Variants in ZNF148 observed in about 807,000 individuals in gnomAD.
ZNF148 encodes the protein zinc finger protein 148, also known as Beta-Enolase Repressor Factor-1.
ZNF148 carries 7 observed loss-of-function variants against 67.7 expected under a neutral mutation model. That is an observed-to-expected ratio of 0.10 (90% confidence interval 0.06 to 0.19). The LOEUF (loss-of-function observed/expected upper bound fraction) is 0.19. Among genes scored for constraint, ZNF148 ranks in the 10% least tolerant of loss-of-function variants. The pLI is 1.00. For synonymous variants in ZNF148, 333 were observed against 330.7 expected, an observed-to-expected ratio of 1.01 and a Z score of -0.08; for missense variants, 583 against 947.1, an observed-to-expected ratio of 0.62 and a Z score of 5.05.
chr3:125,259,189 T>C (rs1937227388), intron 7 of ZNF148, among the ~76,000 whole-genome samples: 1 of 152,170 alleles, frequency 6.6e-6, no homozygotes, highest in African/African-American at 2.4e-5. Flanking sequence ...AAGAATCCAA[T>C]TTTTTAAATG....
At chr3:125,352,754 G>C (rs551368020) in intron 1 of ZNF148, among the ~76,000 whole-genome samples, 5 of 150,906 alleles carry the variant, frequency 3.3e-5, no homozygotes, top group African/African-American at 4.9e-5. Flanking sequence ...TGTAGATACA[G>C]ATGTGATTAT....
At position 125,233,403 on chromosome 3, in the gene ZNF148, A is replaced by G. The variant is rs1378518115; in HGVS notation, c.1323T>C (p.Asn441=). ...DKQALLDSEG[N]ADIDQVDNLQ... ...AATTATCAACCTGATCAATGTCAGC[A>G]TTGCCTTCTGAGTCCAGTAAAGCCT... The change falls in exon 9 of 9, where the codon AAT becomes AAC. Residue 441 remains asparagine, a synonymous_variant. Transcript: ENST00000360647. This position sits in a 1 kb window ranked among gnomAD's most constrained non-coding sequence, Gnocchi z 5.1. 2 of 1,613,980 alleles carry G rather than the reference A, an allele frequency of 1.2e-6. No homozygotes were observed. The highest frequency in any genetic ancestry group is 2.2e-5 in the South Asian group (2 of 91,076).
chr3:125,307,384 A>C (rs1238048642), intron 4 of ZNF148, among the ~76,000 whole-genome samples: 1 of 152,006 alleles, frequency 6.6e-6, no homozygotes, highest in African/African-American at 2.4e-5. Flanking sequence ...GCTCACTGCA[A>C]GCTCCGCCTC....
chr3:125,298,033 T>C (rs913793322), intron 4 of ZNF148, among the ~76,000 whole-genome samples: 1 of 152,172 alleles, frequency 6.6e-6, no homozygotes, highest in Non-Finnish European at 1.5e-5. Context: ...AACATGGGTA[T>C]ATCTCATAAA....
chr3:125,257,463 A>T (rs1368227078), intron 7 of ZNF148, among the ~76,000 whole-genome samples: 1 of 150,542 alleles, frequency 6.6e-6, no homozygotes, highest in East Asian at 2.0e-4. Flanking sequence ...GGCTGAGACG[A>T]GAATCGCTTG....
intron 7 of ZNF148, among the ~76,000 whole-genome samples, chr3:125,260,315 C>G (rs1230618299): frequency 6.6e-6 from 1 of 151,732 alleles, no homozygotes; most frequent in African/African-American, 2.4e-5. Flanking sequence ...AAAAAAAACA[C>G]TGTAATTTGC....
chr3:125,330,390 C>A (rs544560395), intron 2 of ZNF148, among the ~76,000 whole-genome samples: 1 of 147,666 alleles, frequency 6.8e-6, no homozygotes, highest in South Asian at 2.1e-4. Flanking sequence ...CACTTGAGCC[C>A]CGCAGGTAGA....
Position 125,233,386 on chromosome 3 carries a change from A to C in ZNF148, c.1340T>G (p.Val447Gly). 6.2e-7 allele frequency: 1 copy of C among 1,613,974 alleles called. No individual in the cohort carries two copies. The highest frequency in any genetic ancestry group is 8.5e-7 in the Non-Finnish European group (1 of 1,179,932). ...ACTGGGCCCCTCCTGCAAATTATCAACCTGATCAATGTCAGCATTGCCTTC... is the reference window on the plus strand; with the variant it reads ...ACTGGGCCCCTCCTGCAAATTATCACCCTGATCAATGTCAGCATTGCCTTC... ...DSEGNADIDQ[V>G]DNLQEGPSKP... Residue 447 changes from valine (V) to glycine (G), a missense_variant, in exon 9 of 9, where the codon GTT becomes GGT. Physicochemically the swap from Val to Gly is moderately radical, Grantham distance 109. This residue lies in a region of ZNF148 where 172 missense variants were observed against 307.7 expected (regional missense o/e 0.56). Transcript: ENST00000360647. The surrounding 1 kb of genome is among the most constrained non-coding windows in gnomAD (Gnocchi z 5.1).
intron 7 of ZNF148, among the ~76,000 whole-genome samples, chr3:125,269,118 A>G (rs1181183011): frequency 6.7e-6 from 1 of 149,878 alleles, no homozygotes; most frequent in Admixed American, 6.7e-5. Flanking sequence ...CTGTAATCCC[A>G]GTACTTTAGG....
chr3:125,251,021 CATT>C (rs2107547515), intron 7 of ZNF148, among the ~76,000 whole-genome samples: 1 of 152,308 alleles, frequency 6.6e-6, no homozygotes, highest in East Asian at 1.9e-4. Context: ...TAACCCTTCT[CATT>C]ATTTCTTTCT....
At chr3:125,285,194 T>G (rs1320777191) in intron 5 of ZNF148, among the ~76,000 whole-genome samples, 1 of 151,868 alleles carries the variant, frequency 6.6e-6, no homozygotes, top group Non-Finnish European at 1.5e-5. Context: ...TGGGGGAGAG[T>G]GGAGTCCTCT....
chr3:125,286,536 T>C (rs1486391227), intron 5 of ZNF148, among the ~76,000 whole-genome samples: 2 of 152,128 alleles, frequency 1.3e-5, no homozygotes, highest in Admixed American at 6.6e-5. Context: ...TGATCAATAG[T>C]GCACAAAGAT....
chr3:125,286,463 C>G (rs2107621319), intron 5 of ZNF148, among the ~76,000 whole-genome samples: 1 of 152,278 alleles, frequency 6.6e-6, no homozygotes, highest in East Asian at 1.9e-4. Context: ...AGAAGTGTAA[C>G]TGGTATAACA....
At chr3:125,261,133 TATGATC>T (rs1252596570) in intron 7 of ZNF148, among the ~76,000 whole-genome samples, 1 of 152,202 alleles carries the variant, frequency 6.6e-6, no homozygotes. Flanking sequence ...TCAGGGGCCA[TATGATC>T]TCTGTCACAG....
intron 1 of ZNF148, among the ~76,000 whole-genome samples, chr3:125,362,574 A>G (rs1000624781): frequency 1.5e-5 from 2 of 136,190 alleles, no homozygotes; most frequent in African/African-American, 5.3e-5. Flanking sequence ...TTTTTTTTTG[A>G]GACGGGCTCT....
At chr3:125,257,745 C>T (rs750922232) in intron 7 of ZNF148, among the ~76,000 whole-genome samples, 27 of 152,034 alleles carry the variant, frequency 1.8e-4, no homozygotes, top group Non-Finnish European at 3.2e-4. Flanking sequence ...ATAAAAACTG[C>T]TTCCGGATGT....
rs550788874 is a variant in ZNF148 at position 125,226,902 on chromosome 3, A to G, written c.*5439T>C. The stretch of plus-strand genomic sequence containing the variant: ...ATTTAACACTGAAAATTTCAATGTG[A>G]TAAGTTTCATTGCAAAGCAACTGTC... On this transcript the variant is annotated 3_prime_UTR_variant, in exon 9 of 9. Coordinates refer to ENST00000360647, the MANE Select transcript of ZNF148 (RefSeq NM_021964.3). 7 of 152,300 alleles carry G rather than the reference A, an allele frequency of 4.6e-5. No homozygotes were observed. Among genetic ancestry groups the G allele is most frequent in the East Asian group, 3.9e-4 (2 of 5,194 alleles). The allele number at this position is 152,300 out of a possible 1,614,324, so 9.4% of individuals were successfully genotyped here. A position where few individuals can be genotyped will look rare whatever the true frequency, so the allele number is the denominator to read the frequency against.
chr3:125,298,269 T>A (rs1043297903), intron 4 of ZNF148, among the ~76,000 whole-genome samples: 1 of 151,968 alleles, frequency 6.6e-6, no homozygotes, highest in Non-Finnish European at 1.5e-5. Context: ...TGTACTCTTA[T>A]GATTTGTGCG....
chr3:125,238,062 C>T (rs778118010), intron 7 of ZNF148, among the ~76,000 whole-genome samples: 1 of 151,994 alleles, frequency 6.6e-6, no homozygotes, highest in Non-Finnish European at 1.5e-5. Context: ...ATTTGATACC[C>T]ACATACAAAA....
Sources: allele counts gnomAD v4.1 joint callset (sites outside exome capture counted in the v4.1 genomes callset), GRCh38; gene constraint gnomAD v4.1.1; regional missense constraint gnomAD v4.1.1; non-coding constraint Gnocchi (gnomAD v3.1); transcripts MANE v1.5; gene names NCBI Gene and HGNC (gene_info 2026-07-23, HGNC 2026-07-21).